The following TBC1D19 variants were observed in gnomAD, a reference collection of about 807,000 sequenced individuals.
TBC1D19 encodes TBC1 domain family, member 19.
A neutral mutation model predicts 89.0 loss-of-function variants in TBC1D19; 60 were observed. That is an observed-to-expected ratio of 0.67 (90% CI 0.55 to 0.84). The LOEUF is 0.84. TBC1D19 is among the 40% of genes least tolerant of loss of function. TBC1D19 has a pLI of 0.00. For synonymous variants in TBC1D19, 189 were observed against 199.7 expected, an observed-to-expected ratio of 0.95 and a Z score of 0.45; for missense variants, 500 against 610.8, an observed-to-expected ratio of 0.82 and a Z score of 1.91.
At chr4:26,838,279 G>T in the TBC1D19 span, among the ~76,000 whole-genome samples, 1 of 152,174 alleles carries the variant, frequency 6.6e-6, no homozygotes, top group African/African-American at 2.4e-5. Flanking sequence ...TGCAAGTTTG[G>T]ATTTCAGAGA....
chr4:26,666,706 ATC>A lies in TBC1D19; in HGVS notation c.664+303_664+304del, dbSNP rs145589921. On this transcript the variant is annotated intron_variant, in intron 9 of 20. Transcript: ENST00000264866. ...GCAACATCCTTTCCTGGCCATCAGCATCTGTTTTTACTTTTGTATCACCAAGT... is the reference window on the plus strand; with the variant it reads ...GCAACATCCTTTCCTGGCCATCAGCATGTTTTTACTTTTGTATCACCAAGT... Among the ~76,000 whole-genome samples the A allele has an allele frequency of 6.5e-3, 983 of 152,102 alleles. 9 individuals are homozygous for A. The highest frequency in any genetic ancestry group is 0.023 in the African/African-American group (942 of 41,534).
chr4:26,638,172 A>T (rs1743254737), intron 5 of TBC1D19, among the ~76,000 whole-genome samples: 1 of 148,776 alleles, frequency 6.7e-6, no homozygotes, highest in Non-Finnish European at 1.5e-5. Flanking sequence ...GTAGCTGCTC[A>T]CAAGTAGGAG....
At chr4:26,808,292 G>A in the TBC1D19 span, among the ~76,000 whole-genome samples, 86 of 152,202 alleles carry the variant, frequency 5.7e-4, no homozygotes, top group Non-Finnish European at 9.6e-4. Context: ...TCCCTGGCAC[G>A]TAGTAGGCAT....
the TBC1D19 span, among the ~76,000 whole-genome samples, chr4:26,841,649 A>G: frequency 6.6e-6 from 1 of 152,170 alleles, no homozygotes; most frequent in Non-Finnish European, 1.5e-5. Flanking sequence ...TCCAAGTCCC[A>G]CGGCAGCAAC....
chr4:26,610,904 AACATAGGCATGCGTATGTCTTT>A (rs1490328780), intron 1 of TBC1D19, among the ~76,000 whole-genome samples: 2 of 152,168 alleles, frequency 1.3e-5, no homozygotes, highest in African/African-American at 2.4e-5. Context: ...TGCTGCAATG[AACATAGGCATGCGTATGTCTTT>A]ACGGTAGAAT....
intron 7 of TBC1D19, among the ~76,000 whole-genome samples, chr4:26,653,658 T>G (rs867963807): frequency 2.0e-5 from 3 of 152,124 alleles, no homozygotes; most frequent in Non-Finnish European, 2.9e-5. Flanking sequence ...GATCTTTGTT[T>G]GTTTAAAGTC....
chr4:26,705,825 G>T (rs930083448), intron 13 of TBC1D19, among the ~76,000 whole-genome samples: 4 of 152,056 alleles, frequency 2.6e-5, no homozygotes, highest in Non-Finnish European at 4.4e-5. Context: ...GGTAATACTG[G>T]CCTCACAGAA....
intron 4 of TBC1D19, among the ~76,000 whole-genome samples, chr4:26,621,287 T>G (rs1742030906): frequency 6.6e-6 from 1 of 152,168 alleles, no homozygotes; most frequent in Non-Finnish European, 1.5e-5. Context: ...TAACTGTCCT[T>G]CATCTCAGCA....
intron 13 of TBC1D19, among the ~76,000 whole-genome samples, chr4:26,716,343 G>C (rs901389854): frequency 6.6e-6 from 1 of 152,056 alleles, no homozygotes; most frequent in Admixed American, 6.6e-5. Flanking sequence ...GGTTGAATAC[G>C]TGTAGGTAAA....
chr4:26,758,350 T>G (rs1719344807), downstream of TBC1D19, among the ~76,000 whole-genome samples: 1 of 152,168 alleles, frequency 6.6e-6, no homozygotes, highest in African/African-American at 2.4e-5. Context: ...GGGATCTGTT[T>G]TCTATAAAAC....
chr4:26,615,555 A>C (rs189509812), intron 3 of TBC1D19, among the ~76,000 whole-genome samples: 261 of 152,088 alleles, frequency 1.7e-3, no homozygotes, highest in African/African-American at 6.1e-3. Flanking sequence ...CAGTTTGTTA[A>C]CTGGGAAATG....
chr4:26,726,751 A>C (rs1296772481), intron 15 of TBC1D19, among the ~76,000 whole-genome samples: 1 of 152,082 alleles, frequency 6.6e-6, no homozygotes, highest in African/African-American at 2.4e-5. Flanking sequence ...AGTGAAGTTG[A>C]AGTGAATCAG....
the TBC1D19 span, among the ~76,000 whole-genome samples, chr4:26,857,429 GAGA>G: frequency 2.0e-5 from 3 of 152,248 alleles, no homozygotes; most frequent in African/African-American, 7.2e-5. Flanking sequence ...AGACGGGAAG[GAGA>G]AGATCAGTGG....
chr4:26,763,653 T>A, the TBC1D19 span, among the ~76,000 whole-genome samples: 1 of 152,240 alleles, frequency 6.6e-6, no homozygotes, highest in Non-Finnish European at 1.5e-5. Flanking sequence ...CAGGACTTCC[T>A]GAGGCTGTGT....
chr4:26,716,151 C>G (rs1252311691), intron 13 of TBC1D19, among the ~76,000 whole-genome samples: 1 of 152,078 alleles, frequency 6.6e-6, no homozygotes, highest in African/African-American at 2.4e-5. Flanking sequence ...TCTGCTCCAT[C>G]ATAATTAAAC....
At chr4:26,720,244 T>C in intron 15 of TBC1D19, 119 bp downstream of exon 15, 1 of 711,050 alleles carries the variant, frequency 1.4e-6, no homozygotes, top group East Asian at 3.1e-5. Flanking sequence ...AAATAAACCT[T>C]CCATAGAATG....
At chr4:26,765,111 A>C in the TBC1D19 span, among the ~76,000 whole-genome samples, 1 of 152,142 alleles carries the variant, frequency 6.6e-6, no homozygotes, top group Non-Finnish European at 1.5e-5. Context: ...CACTTCCCTG[A>C]GAATGAGGAG....
intron 14 of TBC1D19, among the ~76,000 whole-genome samples, chr4:26,718,743 G>A (rs1265515269): frequency 1.3e-5 from 2 of 151,936 alleles, no homozygotes; most frequent in African/African-American, 4.8e-5. Context: ...GTTTTCTTAG[G>A]TCCATTGCTT....
chr4:26,842,588 CTTTCTTTCTTTCTTTCTTTCTTTCTT>C, the TBC1D19 span, among the ~76,000 whole-genome samples: 4 of 104,792 alleles, frequency 3.8e-5, no homozygotes, highest in African/African-American at 1.7e-4. Flanking sequence ...CCCTCCCTTT[CTTTCTTTCTTTCTTTCTTTCTTTCTT>C]TCTTTCTTTC....
Sources: allele counts gnomAD v4.1 joint callset (sites outside exome capture counted in the v4.1 genomes callset), GRCh38; gene constraint gnomAD v4.1.1; transcripts MANE v1.5; gene names NCBI Gene and HGNC (gene_info 2026-07-23, HGNC 2026-07-21).